FAM47E: variants seen among roughly 807,000 people sequenced by gnomAD.
FAM47E encodes protein FAM47E.
FAM47E carries 32 observed loss-of-function variants against 41.6 expected under a neutral mutation model. The observed-to-expected ratio is 0.77, with a 90% CI of 0.58 to 1.03. The LOEUF (loss-of-function observed/expected upper bound fraction) is 1.03, where lower values mean the gene tolerates loss of function less well. FAM47E is among the 50% of genes least tolerant of loss of function. The pLI is 0.00. For synonymous variants in FAM47E, 184 were observed against 188.7 expected (o/e 0.98, Z 0.20); for missense variants, 424 against 485.4 (o/e 0.87, Z 1.19).
At chr4:76,275,522 A>G (rs1051927124) in intron 5 of FAM47E, among the ~76,000 whole-genome samples, 1 of 152,182 alleles carries the variant, frequency 6.6e-6, no homozygotes, top group Non-Finnish European at 1.5e-5. Context: ...TGCTGGGAAC[A>G]AGTGAAGCAA....
intron 2 of FAM47E, among the ~76,000 whole-genome samples, chr4:76,221,920 G>GA (rs1184895154): frequency 3.3e-5 from 5 of 151,904 alleles, no homozygotes; most frequent in African/African-American, 4.8e-5. Context: ...AAAATCAAAG[G>GA]AAAAAAATGC....
intron 5 of FAM47E, among the ~76,000 whole-genome samples, chr4:76,272,589 C>A (rs1441913): frequency 0.36 from 54,418 of 152,066 alleles, 10,307 homozygotes; most frequent in Admixed American, 0.42. Context: ...CCATTGCATA[C>A]GGTTTATGAA....
intron 1 of FAM47E, among the ~76,000 whole-genome samples, chr4:76,253,990 C>T (rs755650188): frequency 1.6e-4 from 24 of 151,760 alleles, no homozygotes; most frequent in Non-Finnish European, 3.4e-4. Context: ...GGCATGGTGC[C>T]GCACACCTGT....
chr4:76,232,176 C>T (rs925601450), intron 2 of FAM47E, among the ~76,000 whole-genome samples: 1 of 152,116 alleles, frequency 6.6e-6, no homozygotes, highest in Non-Finnish European at 1.5e-5. Context: ...AATAAGTTTC[C>T]TTGACTCTGA....
intron 2 of FAM47E, among the ~76,000 whole-genome samples, chr4:76,243,023 T>C (rs1421374751): frequency 1.3e-5 from 2 of 152,240 alleles, no homozygotes; most frequent in Non-Finnish European, 2.9e-5. Context: ...AGATGTAGAC[T>C]GCAGTGAGTT....
intron 2 of FAM47E, among the ~76,000 whole-genome samples, chr4:76,235,322 A>T (rs543221774): frequency 6.6e-6 from 1 of 152,294 alleles, no homozygotes; most frequent in East Asian, 1.9e-4. Context: ...CGTCTCAAAA[A>T]ATAAATAAAT....
upstream of FAM47E, among the ~76,000 whole-genome samples, chr4:76,251,443 G>A (rs1324933186): frequency 6.6e-6 from 1 of 151,834 alleles, no homozygotes; most frequent in Non-Finnish European, 1.5e-5. Flanking sequence ...AACGTTTTTT[G>A]AAACGATGAT....
intron 2 of FAM47E, among the ~76,000 whole-genome samples, chr4:76,222,820 A>G (rs2109980793): frequency 6.6e-6 from 1 of 152,338 alleles, no homozygotes; most frequent in South Asian, 2.1e-4. Context: ...GACCCTGGTC[A>G]TGGATATTTC....
chr4:76,222,372 G>A (rs932377564), intron 2 of FAM47E, among the ~76,000 whole-genome samples: 2 of 152,112 alleles, frequency 1.3e-5, no homozygotes, highest in East Asian at 1.9e-4. Context: ...GACTATAGGC[G>A]TGAGCCACCA....
At chr4:76,216,003 A>G (rs1053194467) in intron 1 of FAM47E, among the ~76,000 whole-genome samples, 6 of 152,112 alleles carry the variant, frequency 3.9e-5, no homozygotes, top group Non-Finnish European at 7.4e-5. Context: ...GTAGCTACCA[A>G]AGCTCTTCAA....
intron 5 of FAM47E, among the ~76,000 whole-genome samples, chr4:76,274,032 G>T (rs564317206): frequency 1.3e-5 from 2 of 152,034 alleles, no homozygotes; most frequent in African/African-American, 4.8e-5. Flanking sequence ...TTGCTGTGAT[G>T]GCATTGTTTA....
intron 2 of FAM47E, among the ~76,000 whole-genome samples, chr4:76,244,854 CATATGTTTTCTCTCA>C: frequency 6.6e-6 from 1 of 152,074 alleles, no homozygotes; most frequent in Non-Finnish European, 1.5e-5. Context: ...TAAGTGTTGA[CATATGTTTTCTCTCA>C]GAATTCTTAT....
chr4:76,230,756 CA>C (rs1298055671), intron 2 of FAM47E, among the ~76,000 whole-genome samples: 103 of 152,230 alleles, frequency 6.8e-4, no homozygotes, highest in African/African-American at 2.3e-3. Flanking sequence ...ACTCATGAAG[CA>C]GGGGGTTTAG....
At chr4:76,268,573 T>C in intron 3 of FAM47E, 87 bp from the exon 4 acceptor site, 1 of 1,356,126 alleles carries the variant, frequency 7.4e-7, no homozygotes, top group East Asian at 2.6e-5. Context: ...ACTTGCTTTA[T>C]GATTTCCTTT....
At chr4:76,255,017 T>C (rs1250112050) in intron 1 of FAM47E, among the ~76,000 whole-genome samples, 1 of 152,160 alleles carries the variant, frequency 6.6e-6, no homozygotes, top group African/African-American at 2.4e-5. Context: ...AGAGAGCAGA[T>C]GATTTGTCTC....
chr4:76,216,586 T>C (rs1733211636), intron 1 of FAM47E, among the ~76,000 whole-genome samples: 3 of 152,228 alleles, frequency 2.0e-5, no homozygotes, highest in African/African-American at 7.2e-5. Flanking sequence ...GATGGAGAGA[T>C]GGAGACAAAT....
At chr4:76,229,008 T>C (rs916068320) in intron 2 of FAM47E, among the ~76,000 whole-genome samples, 3 of 152,194 alleles carry the variant, frequency 2.0e-5, no homozygotes, top group Non-Finnish European at 4.4e-5. Context: ...ATCCCTAATT[T>C]CATGGACGCT....
rs1734897032 is a variant in FAM47E at position 76,271,686 on chromosome 4, A to C, written c.788A>C (p.Lys263Thr). The C allele has an allele frequency of 6.4e-7, 1 of 1,552,000 alleles. No homozygotes were observed. The highest frequency in any genetic ancestry group is 1.4e-5 in the African/African-American group (1 of 73,178). ...CTAAATCAGGTTCCTCTGGAGCTAA[A>C]GCGTAGTGTGGGGCTCAGTAAACTG... is the stretch of plus-strand genomic sequence containing the variant. ...MKLNQVPLEL[K>T]RSVGLSKLQE... is the part of the protein sequence containing the mutation. The change falls in exon 5 of 8, where the codon AAG (lysine) becomes ACG (threonine). Residue 263 changes from lysine (K) to threonine (T), a missense_variant. Transcript: ENST00000424749.
At chr4:76,240,445 G>C (rs1445149776) in intron 2 of FAM47E, among the ~76,000 whole-genome samples, 1 of 151,982 alleles carries the variant, frequency 6.6e-6, no homozygotes, top group African/African-American at 2.4e-5. Flanking sequence ...ATTAAATTTG[G>C]CAAGTTTTTG....
Sources: gnomAD v4.1 joint callset for allele counts (sites outside exome capture counted in the v4.1 genomes callset) on GRCh38, gnomAD v4.1.1 for gene constraint, MANE v1.5 for transcripts, NCBI Gene and HGNC (gene_info 2026-07-23, HGNC 2026-07-21) for gene names.